PDE4D: variants seen among roughly 807,000 people sequenced by gnomAD.
PDE4D encodes the protein phosphodiesterase 4D.
PDE4D carries 24 observed loss-of-function variants against 87.4 expected under a neutral mutation model. The observed-to-expected ratio is 0.27, with a 90% CI of 0.20 to 0.39. The LOEUF (loss-of-function observed/expected upper bound fraction) is 0.39, where lower values mean the gene tolerates loss of function less well. PDE4D is among the 10% of genes least tolerant of loss of function. PDE4D has a pLI of 1.00. For synonymous variants in PDE4D, 384 were observed against 383.2 expected, an observed-to-expected ratio of 1.00 and a Z score of -0.02; for missense variants, 714 against 1,041.0, an observed-to-expected ratio of 0.69 and a Z score of 4.32.
chr5:59,222,118 A>C (rs1285311607), intron 1 of PDE4D, among the ~76,000 whole-genome samples: 1 of 152,130 alleles, frequency 6.6e-6, no homozygotes, highest in Non-Finnish European at 1.5e-5. Context: ...AGTCGGACAA[A>C]CTGACGAATG....
At position 59,893,475 on chromosome 5, in the gene PDE4D, G is replaced by A. The variant is rs1751280518; in HGVS notation, c.148C>T (p.Leu50Phe). 1 of 1,537,384 alleles carries A rather than the reference G, an allele frequency of 6.5e-7. No homozygotes were observed. Among genetic ancestry groups the A allele is most frequent in the Non-Finnish European group, 8.8e-7 (1 of 1,141,002 alleles). ...QYPLRQPQFR[L>F]LHPHHHLPPP... ...GGCAGGTGGTGATGGGGATGCAGGA[G>A]GCGGAACTGGGGCTGCCGGAGCGGG... is the stretch of plus-strand genomic sequence containing the variant. The change falls in exon 1 of 15, where the codon CTC becomes TTC. Residue 50 changes from leucine (L) to phenylalanine (F), a missense_variant. Leu to Phe is a conservative substitution (Grantham distance 22). Around this residue, in one of 7 missense-constraint regions of PDE4D, gnomAD observed 268 missense variants for 272.9 expected, o/e 0.98. Transcript: ENST00000340635.
chr5:60,032,571 A>G (rs1767355374), intron 2 of PDE4D, among the ~76,000 whole-genome samples: 1 of 152,216 alleles, frequency 6.6e-6, no homozygotes, highest in South Asian at 2.1e-4. Context: ...CTTTGGAATA[A>G]TACAAACCTG....
chr5:60,229,657 A>T (rs1745573548), intron 1 of PDE4D, among the ~76,000 whole-genome samples: 1 of 152,126 alleles, frequency 6.6e-6, no homozygotes, highest in Non-Finnish European at 1.5e-5. Context: ...CTCCTTCAAC[A>T]GTTGTCATAA....
chr5:59,255,368 G>A, intron 1 of PDE4D, among the ~76,000 whole-genome samples: 1 of 152,032 alleles, frequency 6.6e-6, no homozygotes, highest in African/African-American at 2.4e-5. Context: ...AATTATAGAG[G>A]AAAAAAACGT....
At chr5:59,652,833 C>T (rs1743732948) in intron 1 of PDE4D, among the ~76,000 whole-genome samples, 1 of 151,692 alleles carries the variant, frequency 6.6e-6, no homozygotes, top group Non-Finnish European at 1.5e-5. Flanking sequence ...ATCAAGGAAA[C>T]TGTCAGAAAT....
chr5:59,102,416 C>T (rs11957770), intron 5 of PDE4D, among the ~76,000 whole-genome samples: 2,440 of 152,116 alleles, frequency 0.016, 54 homozygotes, highest in East Asian at 0.052. Context: ...AAAATCCAGA[C>T]ATGTTTTTAT....
intron 5 of PDE4D, among the ~76,000 whole-genome samples, chr5:59,065,658 T>C (rs1056930954): frequency 6.6e-6 from 1 of 152,030 alleles, no homozygotes; most frequent in South Asian, 2.1e-4. Flanking sequence ...GGAAAGAAGA[T>C]GAGAAAATAA....
chr5:59,775,308 A>G (rs906483597), intron 1 of PDE4D, among the ~76,000 whole-genome samples: 4 of 152,216 alleles, frequency 2.6e-5, no homozygotes, highest in Admixed American at 6.5e-5. Flanking sequence ...AACAACAACA[A>G]AAATCCCATA....
intron 1 of PDE4D, among the ~76,000 whole-genome samples, chr5:60,325,301 A>T (rs1756681793): frequency 6.6e-6 from 1 of 152,072 alleles, no homozygotes; most frequent in Non-Finnish European, 1.5e-5. Flanking sequence ...CCAACCTCCC[A>T]CTTATTTAAG....
intron 1 of PDE4D, among the ~76,000 whole-genome samples, chr5:59,602,478 G>T (rs542286349): frequency 3.3e-5 from 5 of 151,856 alleles, no homozygotes; most frequent in Admixed American, 3.3e-4. Context: ...ATCTGAAAAA[G>T]AAATTTTTAA....
At chr5:60,474,219 A>G (rs1274772755) in intron 1 of PDE4D, among the ~76,000 whole-genome samples, 1 of 147,588 alleles carries the variant, frequency 6.8e-6, no homozygotes, top group African/African-American at 2.5e-5. Context: ...AGAGCTGTGA[A>G]GTTCAAAATC....
chr5:60,264,487 A>G (rs1392666961), intron 1 of PDE4D, among the ~76,000 whole-genome samples: 1 of 152,226 alleles, frequency 6.6e-6, no homozygotes, highest in African/African-American at 2.4e-5. Context: ...AGCCATCTAC[A>G]TCAACAAATC....
intron 3 of PDE4D, among the ~76,000 whole-genome samples, chr5:59,943,209 A>C (rs1581841412): frequency 1.5e-5 from 1 of 68,196 alleles, no homozygotes; most frequent in Non-Finnish European, 3.3e-5. Context: ...TATTATTATT[A>C]TCCTTTTTTT....
At chr5:59,527,453 A>G (rs944658023) in intron 1 of PDE4D, among the ~76,000 whole-genome samples, 2 of 152,206 alleles carry the variant, frequency 1.3e-5, no homozygotes, top group African/African-American at 4.8e-5. Context: ...TTATACTCCT[A>G]ATATTTGAGA....
intron 1 of PDE4D, among the ~76,000 whole-genome samples, chr5:60,366,312 AG>A (rs1282178716): frequency 6.6e-6 from 1 of 152,072 alleles, no homozygotes; most frequent in African/African-American, 2.4e-5. Flanking sequence ...AAGCAATTTG[AG>A]GCCTATTTAC....
intron 1 of PDE4D, among the ~76,000 whole-genome samples, chr5:60,213,735 G>A (rs1328783968): frequency 6.6e-6 from 1 of 152,006 alleles, no homozygotes; most frequent in Non-Finnish European, 1.5e-5. Flanking sequence ...ACAATGACAA[G>A]CCAGTCTTCC....
chr5:59,167,569 C>G (rs931107849), intron 5 of PDE4D, among the ~76,000 whole-genome samples: 1 of 152,172 alleles, frequency 6.6e-6, no homozygotes, highest in African/African-American at 2.4e-5. Context: ...TTTCCCAAAC[C>G]ATTTTCAGTC....
chr5:60,508,448 G>A (rs1750419481), intron 1 of PDE4D, among the ~76,000 whole-genome samples: 1 of 152,218 alleles, frequency 6.6e-6, no homozygotes, highest in Non-Finnish European at 1.5e-5. Context: ...TTTATTTAGA[G>A]TTTTGTTTGA....
chr5:59,635,381 C>T (rs995158404), intron 1 of PDE4D, among the ~76,000 whole-genome samples: 26 of 152,302 alleles, frequency 1.7e-4, no homozygotes, highest in Admixed American at 1.2e-3. Flanking sequence ...CTCCCTAACT[C>T]GTTTTATGAG....
Sources: gnomAD v4.1 joint callset for allele counts (sites outside exome capture counted in the v4.1 genomes callset) on GRCh38, gnomAD v4.1.1 for gene constraint, gnomAD v4.1.1 regional missense constraint, MANE v1.5 for transcripts, NCBI Gene and HGNC (gene_info 2026-07-23, HGNC 2026-07-21) for gene names.